The following PBRM1 variants were observed in gnomAD, a reference collection of about 807,000 sequenced individuals.
PBRM1 encodes protein polybromo-1.
In PBRM1, 27 loss-of-function variants were observed where a neutral mutation model predicts 194.5. The ratio of observed to expected loss-of-function variants is 0.14; its 90% CI spans 0.10 to 0.19. The LOEUF (loss-of-function observed/expected upper bound fraction) is 0.19. PBRM1 is among the 10% of genes least tolerant of loss of function. The pLI, the probability that PBRM1 is intolerant of heterozygous loss-of-function variation, is 1.00. For missense variants in PBRM1, 1,466 were observed against 2,077.2 expected (o/e 0.71, Z 5.72); for synonymous variants, 655 against 693.2 (o/e 0.94, Z 0.87).
chr3:52,677,944 C>A (rs953484644), intron 2 of PBRM1, among the ~76,000 whole-genome samples: 1 of 152,124 alleles, frequency 6.6e-6, no homozygotes, highest in Non-Finnish European at 1.5e-5. Flanking sequence ...TCATGGCTTA[C>A]TGCAGCCTCA....
chr3:52,674,154 T>G (rs963540021), intron 2 of PBRM1, among the ~76,000 whole-genome samples: 1 of 151,644 alleles, frequency 6.6e-6, no homozygotes, highest in African/African-American at 2.4e-5. Context: ...TTTTAAAAGA[T>G]CAACAAAATT....
At chr3:52,605,199 G>T (rs2094268240) in intron 16 of PBRM1, among the ~76,000 whole-genome samples, 1 of 152,060 alleles carries the variant, frequency 6.6e-6, no homozygotes, top group South Asian at 2.1e-4. Flanking sequence ...AACTTCTTGG[G>T]CTCAGGCTGG....
chr3:52,682,182 T>C (rs1158198807), upstream of PBRM1: 1 of 151,992 alleles, frequency 6.6e-6, no homozygotes, highest in African/African-American at 2.4e-5. Flanking sequence ...AGAGCTGGAA[T>C]GGAGAGTGAA....
At chr3:52,653,658 T>A (rs1053157911) in intron 5 of PBRM1, among the ~76,000 whole-genome samples, 1 of 150,118 alleles carries the variant, frequency 6.7e-6, no homozygotes, top group African/African-American at 2.5e-5. Context: ...ATGCCTGTAA[T>A]CCCTGCACTT....
At chr3:52,590,112 A>G (rs1226030440) in intron 17 of PBRM1, among the ~76,000 whole-genome samples, 2 of 151,922 alleles carry the variant, frequency 1.3e-5, no homozygotes, top group Admixed American at 1.3e-4. Flanking sequence ...GGCGTGAGCC[A>G]CCGCGCCCAG....
chr3:52,682,833 G>A (rs184328342), upstream of PBRM1, among the ~76,000 whole-genome samples: 3 of 152,208 alleles, frequency 2.0e-5, no homozygotes, highest in East Asian at 5.8e-4. Flanking sequence ...TTGGAAGGCC[G>A]AGGCCAGTGC....
At chr3:52,604,690 T>A (rs1241109868) in intron 16 of PBRM1, among the ~76,000 whole-genome samples, 2 of 151,378 alleles carry the variant, frequency 1.3e-5, no homozygotes. Context: ...CAAGACCCTG[T>A]CTGTTAAAAA....
chr3:52,647,747 T>C (rs2096365083), intron 7 of PBRM1, among the ~76,000 whole-genome samples: 1 of 151,888 alleles, frequency 6.6e-6, no homozygotes, highest in Non-Finnish European at 1.5e-5. Context: ...TATCACATAT[T>C]ATACGATTCC....
At chr3:52,580,451 C>T (rs1055486673) in intron 20 of PBRM1, among the ~76,000 whole-genome samples, 6 of 152,192 alleles carry the variant, frequency 3.9e-5, no homozygotes, top group Admixed American at 6.5e-5. Flanking sequence ...CTCCGCCTCC[C>T]GGGTTCACGC....
intron 22 of PBRM1, among the ~76,000 whole-genome samples, chr3:52,567,275 C>T (rs1057393818): frequency 3.4e-4 from 52 of 151,802 alleles, no homozygotes; most frequent in African/African-American, 1.2e-3. Flanking sequence ...ATGTTGTTTC[C>T]CAATGTTTGC....
intron 27 of PBRM1, among the ~76,000 whole-genome samples, chr3:52,553,488 C>CTTTT (rs35486235): frequency 4.7e-5 from 6 of 128,998 alleles, no homozygotes; most frequent in Non-Finnish European, 8.4e-5. Context: ...TAATGTCAGG[C>CTTTT]TTTTTTTTTT....
chr3:52,555,658 C>T (rs140017614), intron 26 of PBRM1, among the ~76,000 whole-genome samples: 7 of 152,268 alleles, frequency 4.6e-5, no homozygotes, highest in South Asian at 2.1e-4. Flanking sequence ...TGCCAAATGC[C>T]ATCAGTCTCC....
intron 20 of PBRM1, among the ~76,000 whole-genome samples, chr3:52,579,584 C>T (rs1160311502): frequency 2.0e-5 from 3 of 151,344 alleles, no homozygotes; most frequent in Non-Finnish European, 4.4e-5. Flanking sequence ...GGCGACAGAG[C>T]AAGACCCTGT....
intron 22 of PBRM1, among the ~76,000 whole-genome samples, chr3:52,568,795 T>C (rs1446790101): frequency 6.6e-6 from 1 of 152,234 alleles, no homozygotes; most frequent in African/African-American, 2.4e-5. Flanking sequence ...TACTCATATA[T>C]CATATAGTTT....
intron 22 of PBRM1, among the ~76,000 whole-genome samples, chr3:52,565,575 T>C (rs2084928422): frequency 6.7e-6 from 1 of 148,814 alleles, no homozygotes; most frequent in African/African-American, 2.5e-5. Context: ...ATCAAGAAAG[T>C]GAAAAGATAA....
chr3:52,553,989 GGGGTC>G (rs1311166199), intron 27 of PBRM1, among the ~76,000 whole-genome samples: 1 of 151,950 alleles, frequency 6.6e-6, no homozygotes, highest in African/African-American at 2.4e-5. Flanking sequence ...TTATAGAGAT[GGGGTC>G]TCACCAGGTT....
intron 29 of PBRM1, among the ~76,000 whole-genome samples, chr3:52,549,525 CAACA>C (rs2080347070): frequency 6.6e-6 from 1 of 151,998 alleles, no homozygotes; most frequent in Non-Finnish European, 1.5e-5. Flanking sequence ...CAAAACAAAA[CAACA>C]AACAAAAAAC....
intron 29 of PBRM1, among the ~76,000 whole-genome samples, chr3:52,549,597 C>CA (rs777466534): frequency 8.1e-4 from 123 of 151,616 alleles, no homozygotes; most frequent in African/African-American, 2.6e-3. Flanking sequence ...TGAAATTTGG[C>CA]AAAAAAAACC....
chr3:52,668,579 T>C (rs371903250), exon 3 of PBRM1: 25 of 1,606,522 alleles, frequency 1.6e-5, no homozygotes, highest in Non-Finnish European at 2.0e-5. Flanking sequence ...CTTCCATTTT[T>C]AGTTTCTGTT....
Sources: allele counts gnomAD v4.1 joint callset (sites outside exome capture counted in the v4.1 genomes callset), GRCh38; gene constraint gnomAD v4.1.1; transcripts MANE v1.5; gene names NCBI Gene and HGNC (gene_info 2026-07-23, HGNC 2026-07-21).